The following CTNND2 variants were observed in gnomAD, a reference collection of about 807,000 sequenced individuals.
CTNND2 encodes the protein catenin delta 2.
In CTNND2, 22 loss-of-function variants were observed where a neutral mutation model predicts 144.4. The ratio of observed to expected loss-of-function variants is 0.15; its 90% CI spans 0.11 to 0.22. CTNND2 has a LOEUF of 0.22. Ranked by LOEUF, CTNND2 falls within the 10% of genes least tolerant of loss-of-function variation. The probability of loss-of-function intolerance (pLI) is 1.00; values close to 1 mark genes in which losing one functional copy is unlikely to be tolerated. For synonymous variants in CTNND2, 751 were observed against 695.6 expected (o/e 1.08, Z -1.25); for missense variants, 1,353 against 1,618.8 (o/e 0.84, Z 2.82).
At chr5:11,372,953 T>C (rs1310425870) in intron 7 of CTNND2, among the ~76,000 whole-genome samples, 1 of 152,194 alleles carries the variant, frequency 6.6e-6, no homozygotes, top group Non-Finnish European at 1.5e-5. Flanking sequence ...ACAGGTGTGA[T>C]CCACTGTGCC....
At chr5:11,864,844 A>G (rs1164943330) in intron 1 of CTNND2, among the ~76,000 whole-genome samples, 1 of 147,560 alleles carries the variant, frequency 6.8e-6, no homozygotes, top group Non-Finnish European at 1.5e-5. Flanking sequence ...TGAATCACAA[A>G]CCTGTCTGCC....
intron 3 of CTNND2, among the ~76,000 whole-genome samples, chr5:11,416,397 A>G (rs1761939844): frequency 6.6e-6 from 1 of 152,222 alleles, no homozygotes; most frequent in Non-Finnish European, 1.5e-5. Context: ...AATCACTTCA[A>G]TGGTTTCCCT....
chr5:11,096,583 T>C (rs544348415), intron 15 of CTNND2, among the ~76,000 whole-genome samples: 1 of 152,210 alleles, frequency 6.6e-6, no homozygotes. Flanking sequence ...CTTTTACATA[T>C]TTTTCCTATT....
chr5:11,753,063 T>C (rs1382270686), intron 1 of CTNND2, among the ~76,000 whole-genome samples: 1 of 151,894 alleles, frequency 6.6e-6, no homozygotes, highest in Non-Finnish European at 1.5e-5. Flanking sequence ...GTTTGTAAGA[T>C]CTACGAGCTC....
chr5:11,401,722 C>G (rs1336691615), intron 5 of CTNND2, among the ~76,000 whole-genome samples: 1 of 152,142 alleles, frequency 6.6e-6, no homozygotes, highest in African/African-American at 2.4e-5. Flanking sequence ...GTCGGGGGAA[C>G]TGAGGGATCC....
rs1266969822 is a variant in CTNND2 at position 11,880,529 on chromosome 5, T to TACC, written c.37+23285_37+23287dup. ...CTACTACTACTACCACTACTACTAC[T>TACC]ACCACCACCACTACTACTACCACTA... is the stretch of plus-strand genomic sequence containing the variant. On this transcript the variant is annotated intron_variant, in intron 1 of 21. Transcript: ENST00000304623. 3.5e-5 allele frequency among the ~76,000 whole-genome samples: 5 copies of TACC among 143,990 alleles called. 1 individual carries two copies. Among genetic ancestry groups the TACC allele is most frequent in the East Asian group, 2.0e-4 (1 of 4,960 alleles). 94.5% of individuals were successfully genotyped at this position (143,990 alleles called of 152,430 possible). A position where few individuals can be genotyped will look rare whatever the true frequency, so the allele number is the denominator to read the frequency against.
At chr5:11,058,114 T>C (rs746958831) in intron 16 of CTNND2, among the ~76,000 whole-genome samples, 13 of 152,138 alleles carry the variant, frequency 8.5e-5, no homozygotes, top group South Asian at 6.2e-4. Flanking sequence ...TGATAGAAAA[T>C]AAAATTCTAT....
At chr5:11,223,979 C>T (rs1193002900) in intron 10 of CTNND2, among the ~76,000 whole-genome samples, 1 of 152,198 alleles carries the variant, frequency 6.6e-6, no homozygotes, top group African/African-American at 2.4e-5. Flanking sequence ...TCCCCTGCTT[C>T]TCATCTGTCC....
At chr5:11,305,345 G>A (rs113339114) in intron 9 of CTNND2, among the ~76,000 whole-genome samples, 74 of 152,220 alleles carry the variant, frequency 4.9e-4, no homozygotes, top group African/African-American at 1.7e-3. Flanking sequence ...TAACTGCTGC[G>A]CTCTGCCCTT....
At chr5:11,821,573 T>G (rs925963696) in intron 1 of CTNND2, among the ~76,000 whole-genome samples, 12 of 152,128 alleles carry the variant, frequency 7.9e-5, no homozygotes, top group African/African-American at 2.7e-4. Context: ...TTGTATAATC[T>G]CTTCAAATGA....
At chr5:11,669,888 G>C (rs1783784123) in intron 2 of CTNND2, among the ~76,000 whole-genome samples, 1 of 152,286 alleles carries the variant, frequency 6.6e-6, no homozygotes, top group Middle Eastern at 3.4e-3. Context: ...TGGGCATTTA[G>C]TGCTTTAAGT....
intron 10 of CTNND2, among the ~76,000 whole-genome samples, chr5:11,215,508 T>C (rs192921301): frequency 3.9e-5 from 6 of 152,312 alleles, no homozygotes; most frequent in Non-Finnish European, 7.3e-5. Context: ...TGTAAAAGCA[T>C]GTGAAATAGT....
intron 1 of CTNND2, among the ~76,000 whole-genome samples, chr5:11,798,157 G>A (rs971012483): frequency 6.6e-6 from 1 of 151,592 alleles, no homozygotes; most frequent in Non-Finnish European, 1.5e-5. Flanking sequence ...GGTTACTCAG[G>A]AGGCCAAGAA....
chr5:11,177,052 C>T (rs562173742), intron 11 of CTNND2, among the ~76,000 whole-genome samples: 3 of 152,196 alleles, frequency 2.0e-5, no homozygotes, highest in Non-Finnish European at 4.4e-5. Context: ...GACCTCTCTT[C>T]TGGGAGCTGA....
intron 16 of CTNND2, among the ~76,000 whole-genome samples, chr5:11,048,387 G>A (rs969310384): frequency 6.6e-6 from 1 of 152,174 alleles, no homozygotes; most frequent in Non-Finnish European, 1.5e-5. Context: ...TAAATTTAAT[G>A]TGATATTGTT....
chr5:11,303,345 A>G (rs1749809693), intron 9 of CTNND2, among the ~76,000 whole-genome samples: 1 of 152,208 alleles, frequency 6.6e-6, no homozygotes. Flanking sequence ...CTAACACGGT[A>G]GTTATGCTAT....
At chr5:11,341,082 G>A (rs1043603027) in intron 9 of CTNND2, among the ~76,000 whole-genome samples, 2 of 152,108 alleles carry the variant, frequency 1.3e-5, no homozygotes, top group Non-Finnish European at 2.9e-5. Context: ...ATAATTTGGA[G>A]GGACATCAGC....
At chr5:11,821,587 G>A (rs1204340924) in intron 1 of CTNND2, among the ~76,000 whole-genome samples, 2 of 152,146 alleles carry the variant, frequency 1.3e-5, no homozygotes, top group Admixed American at 6.5e-5. Flanking sequence ...CAAATGACCT[G>A]TTGGTTGACC....
chr5:11,282,163 G>C (rs1040918456), intron 9 of CTNND2, among the ~76,000 whole-genome samples: 3 of 152,064 alleles, frequency 2.0e-5, no homozygotes, highest in Non-Finnish European at 4.4e-5. Context: ...CAGGGACAGG[G>C]CCATGGGCTG....
Sources: allele counts gnomAD v4.1 joint callset (sites outside exome capture counted in the v4.1 genomes callset), GRCh38; gene constraint gnomAD v4.1.1; transcripts MANE v1.5; gene names NCBI Gene and HGNC (gene_info 2026-07-23, HGNC 2026-07-21).